The following PIKFYVE variants were observed in gnomAD, a reference collection of about 807,000 sequenced individuals.
PIKFYVE encodes the protein 1-phosphatidylinositol 3-phosphate 5-kinase.
A neutral mutation model predicts 257.9 loss-of-function variants in PIKFYVE; 122 were observed. The observed-to-expected ratio is 0.47, with a 90% CI of 0.41 to 0.55. The LOEUF is 0.55. Among genes scored for constraint, PIKFYVE ranks in the 20% least tolerant of loss-of-function variants. The pLI is 0.00. For synonymous variants in PIKFYVE, 892 were observed against 868.9 expected (o/e 1.03, Z -0.47); for missense variants, 2,160 against 2,536.6 (o/e 0.85, Z 3.19).
intron 39 of PIKFYVE, 142 bp downstream of exon 39, chr2:208,352,924 CT>C: frequency 9.9e-7 from 1 of 1,011,476 alleles, no homozygotes; most frequent in Non-Finnish European, 1.5e-6. Context: ...TAACTTTTGA[CT>C]TGCTCAGCCT....
Position 208,326,204 on chromosome 2 carries a change from T to C in PIKFYVE, c.3393T>C (p.His1131=). 2 of 1,601,678 alleles carry C rather than the reference T, an allele frequency of 1.2e-6. No individual in the cohort carries two copies. The highest frequency in any genetic ancestry group is 1.7e-6 in the Non-Finnish European group (2 of 1,173,776). The part of the protein sequence containing the change: ...QAKSIQVLPS[H]ELVSTRIAEH... Reference sequence around the variant, plus strand: ...AGTCTATTCAAGTCTTACCCTCACATGAGCTAGTGAGCACTAGAATTGCTG... The same window carrying C: ...AGTCTATTCAAGTCTTACCCTCACACGAGCTAGTGAGCACTAGAATTGCTG... Residue 1131 remains histidine, a synonymous_variant, in exon 20 of 42, where the codon CAT becomes CAC. Coordinates refer to ENST00000264380, the MANE Select transcript of PIKFYVE (RefSeq NM_015040.4).
intron 34 of PIKFYVE, among the ~76,000 whole-genome samples, chr2:208,346,439 A>G (rs1355920639): frequency 2.6e-5 from 4 of 152,226 alleles, no homozygotes; most frequent in Non-Finnish European, 5.9e-5. Context: ...TTTAAAATAT[A>G]CAACCTAAGA....
Position 208,325,635 on chromosome 2 carries a change from G to A in PIKFYVE, c.2824G>A (p.Glu942Lys). The change falls in exon 20 of 42, where the codon GAA becomes AAA. Residue 942 changes from glutamate (E) to lysine (K), a missense_variant. By Grantham distance (56) the Glu-to-Lys change is moderately conservative. This residue lies in a region of PIKFYVE where 522 missense variants were observed against 514.6 expected (regional missense o/e 1.01). Coordinates refer to ENST00000264380, the MANE Select transcript of PIKFYVE (RefSeq NM_015040.4). Reference protein sequence around the residue: ...LRIVFEKGEQENKNLPQAVAS... With the variant: ...LRIVFEKGEQKNKNLPQAVAS... ...GATTGTGTTTGAGAAGGGTGAGCAG[G>A]AAAATAAAAATCTTCCGCAGGCTGT... is the stretch of plus-strand genomic sequence containing the variant. 1 of 1,614,114 alleles carries A rather than the reference G, an allele frequency of 6.2e-7. No individual in the cohort carries two copies. The highest frequency in any genetic ancestry group is 8.5e-7 in the Non-Finnish European group (1 of 1,180,032).
chr2:208,271,601 A>G lies in PIKFYVE; in HGVS notation c.82A>G (p.Thr28Ala), dbSNP rs968691473. 3 of 1,614,004 alleles carry G rather than the reference A, an allele frequency of 1.9e-6. No homozygotes were observed. The Admixed American group carries it at 5.0e-5, about 27-fold the overall frequency. Residue 28 changes from threonine to alanine, a missense_variant, in exon 2 of 42, where the codon ACA (threonine) becomes GCA (alanine). Thr to Ala is a moderately conservative substitution (Grantham distance 58). Around this residue, in one of 12 missense-constraint regions of PIKFYVE, gnomAD observed 172 missense variants for 180.6 expected, o/e 0.95. Transcript: ENST00000264380. ...PRSPTSPSHL[T>A]HFKPLTPDQD... ...ATCTCCTACTAGTCCTTCTCATCTC[A>G]CACACTTTAAACCTTTGACTCCTGA...
chr2:208,350,895 A>C lies in PIKFYVE; in HGVS notation c.5559A>C (p.Ser1853=). 2 of 1,614,114 alleles carry C rather than the reference A, an allele frequency of 1.2e-6. No homozygotes were observed. Among genetic ancestry groups the C allele is most frequent in the Non-Finnish European group, 1.7e-6 (2 of 1,180,024 alleles). ...EDFIRSLSHS[S]PWQARGGKSG... The stretch of plus-strand genomic sequence containing the variant: ...TCATTCGTTCCCTCTCCCACTCATC[A>C]CCCTGGCAGGCCCGGGGAGGCAAAT... The change falls in exon 37 of 42, where the codon TCA becomes TCC. Residue 1853 remains serine, a synonymous_variant. Coordinates refer to ENST00000264380, the MANE Select transcript of PIKFYVE (RefSeq NM_015040.4).
chr2:208,328,327 C>T, intron 21 of PIKFYVE, 47 bp downstream of exon 21: 1 of 1,608,446 alleles, frequency 6.2e-7, no homozygotes, highest in South Asian at 1.1e-5. Context: ...AACAGAATTC[C>T]AGCAATTAAA....
At chr2:208,354,936 A>C (rs1324498412) in intron 41 of PIKFYVE, among the ~76,000 whole-genome samples, 1 of 152,220 alleles carries the variant, frequency 6.6e-6, no homozygotes, top group Admixed American at 6.6e-5. Flanking sequence ...TTCTCTAAGC[A>C]CTGTTAGCCT....
intron 31 of PIKFYVE, among the ~76,000 whole-genome samples, chr2:208,341,699 C>T (rs1698717444): frequency 6.6e-6 from 1 of 152,086 alleles, no homozygotes; most frequent in African/African-American, 2.4e-5. Flanking sequence ...TGTGTCCAGT[C>T]TTTTTTATGA....
At position 208,330,590 on chromosome 2, in the gene PIKFYVE, C is replaced by T. The variant is rs757180173; in HGVS notation, c.3859C>T (p.His1287Tyr). Residue 1287 changes from histidine to tyrosine, a missense_variant, in exon 23 of 42, where the codon CAT becomes TAT. This residue lies in a region of PIKFYVE where 55 missense variants were observed against 103.0 expected (regional missense o/e 0.53). Transcript: ENST00000264380. ...PMVHHIRRFVHGQGCVQIILK... is the reference protein window; with the variant it reads ...PMVHHIRRFVYGQGCVQIILK... ...GGTACATCATATTCGGCGCTTTGTT[C>T]ATGGCCAAGGCTGTGTGCAGATAAT... 6.2e-7 allele frequency: 1 copy of T among 1,614,186 alleles called. No homozygotes were observed. The highest frequency in any genetic ancestry group is 1.1e-5 in the South Asian group (1 of 91,078).
At chr2:208,271,366 A>G in intron 1 of PIKFYVE, 145 bp from the exon 2 acceptor site, 1 of 766,610 alleles carries the variant, frequency 1.3e-6, no homozygotes, top group East Asian at 2.5e-5. Flanking sequence ...CCTTTGGAAT[A>G]TATGAAGCTA....
At chr2:208,348,959 T>C (rs531456520) in intron 35 of PIKFYVE, among the ~76,000 whole-genome samples, 1 of 152,104 alleles carries the variant, frequency 6.6e-6, no homozygotes, top group Non-Finnish European at 1.5e-5. Context: ...GACTAGGAGT[T>C]GGAGATGAGC....
In PIKFYVE at chr2:208,325,719, G is replaced by A. The variant is rs1331879432; in HGVS notation, c.2908G>A (p.Ala970Thr). 2.5e-6 allele frequency: 4 copies of A among 1,613,322 alleles called. No individual in the cohort carries two copies. The African/African-American group carries it at 5.3e-5, about 22-fold the overall frequency. ...TTACPAGLPC[A>T]FFAPVPESLL... is the part of the protein sequence containing the mutation. ...AGCTTGCCCGGCGGGTCTCCCTTGT[G>A]CTTTCTTTGCACCTGTACCGGAATC... The change falls in exon 20 of 42, where the codon GCT becomes ACT. Residue 970 changes from alanine to threonine, a missense_variant. Ala to Thr is a moderately conservative substitution (Grantham distance 58). Around this residue, in one of 12 missense-constraint regions of PIKFYVE, gnomAD observed 522 missense variants for 514.6 expected, o/e 1.01. Transcript: ENST00000264380.
At chr2:208,270,642 C>G (rs1254473244) in intron 1 of PIKFYVE, among the ~76,000 whole-genome samples, 1 of 152,010 alleles carries the variant, frequency 6.6e-6, no homozygotes, top group Non-Finnish European at 1.5e-5. Flanking sequence ...TGAAGTGTAG[C>G]TTGAGGTAAT....
At chr2:208,288,357 G>A (rs1376578078) in intron 6 of PIKFYVE, among the ~76,000 whole-genome samples, 6 of 152,212 alleles carry the variant, frequency 3.9e-5, no homozygotes, top group Admixed American at 1.3e-4. Context: ...TGACTCTATG[G>A]TGCTATTCTA....
chr2:208,308,954 A>G (rs1407751379), intron 12 of PIKFYVE, among the ~76,000 whole-genome samples: 1 of 152,042 alleles, frequency 6.6e-6, no homozygotes, highest in Non-Finnish European at 1.5e-5. Context: ...GCAGTCCGCC[A>G]ACCTAGGCCT....
chr2:208,320,211 C>G, intron 16 of PIKFYVE, 41 bp from the exon 17 acceptor site: 1 of 1,595,070 alleles, frequency 6.3e-7, no homozygotes, highest in Non-Finnish European at 8.5e-7. Flanking sequence ...CTGTAAAATG[C>G]AAACCTTTAA....
chr2:208,340,571 A>G (rs1292023385), intron 31 of PIKFYVE, among the ~76,000 whole-genome samples: 1 of 152,170 alleles, frequency 6.6e-6, no homozygotes, highest in Non-Finnish European at 1.5e-5. Context: ...GTGCACTCAA[A>G]TTTGGAAAGA....
chr2:208,277,225 A>G (rs1690228522), intron 4 of PIKFYVE, among the ~76,000 whole-genome samples: 1 of 152,170 alleles, frequency 6.6e-6, no homozygotes, highest in African/African-American at 2.4e-5. Flanking sequence ...ATTCCACCGT[A>G]AGTCCATATA....
intron 34 of PIKFYVE, 137 bp from the exon 35 acceptor site, chr2:208,347,722 A>G (rs1227093224): frequency 3.8e-6 from 3 of 780,030 alleles, no homozygotes; most frequent in Admixed American, 2.5e-5. Context: ...GACAATGTGC[A>G]AACAAAAGTA....
Sources: gnomAD v4.1 joint callset for allele counts (sites outside exome capture counted in the v4.1 genomes callset) on GRCh38, gnomAD v4.1.1 for gene constraint, gnomAD v4.1.1 regional missense constraint, MANE v1.5 for transcripts, NCBI Gene and HGNC (gene_info 2026-07-23, HGNC 2026-07-21) for gene names.